The following SHROOM3 variants were observed in gnomAD, a reference collection of about 807,000 sequenced individuals.
The protein encoded by SHROOM3 is shroom family member 3.
A neutral mutation model predicts 138.6 loss-of-function variants in SHROOM3; 47 were observed. The ratio of observed to expected loss-of-function variants is 0.34; its 90% confidence interval spans 0.27 to 0.43. The LOEUF (loss-of-function observed/expected upper bound fraction) is 0.43. Ranked by LOEUF, SHROOM3 falls within the 20% of genes least tolerant of loss-of-function variation. The pLI is 1.00. For synonymous variants in SHROOM3, 1,062 were observed against 1,063.3 expected (o/e 1.00, Z 0.02); for missense variants, 2,491 against 2,596.5 (o/e 0.96, Z 0.88).
intron 1 of SHROOM3, among the ~76,000 whole-genome samples, chr4:76,457,604 G>C (rs2109973596): frequency 6.6e-6 from 1 of 151,046 alleles, no homozygotes; most frequent in East Asian, 2.0e-4. Context: ...CGATTCTCCT[G>C]CCTCAGCCTC....
At chr4:76,638,552 CAA>C (rs1367351325) in intron 2 of SHROOM3, among the ~76,000 whole-genome samples, 1 of 152,026 alleles carries the variant, frequency 6.6e-6, no homozygotes, top group East Asian at 1.9e-4. Context: ...CATGTCTTTA[CAA>C]AAAGTTTTCT....
chr4:76,600,942 A>G (rs1248665974), intron 2 of SHROOM3, among the ~76,000 whole-genome samples: 1 of 152,232 alleles, frequency 6.6e-6, no homozygotes, highest in Admixed American at 6.5e-5. Flanking sequence ...ATCAAACAGA[A>G]TCAGGGACTA....
chr4:76,757,252 A>G (rs189087552), intron 8 of SHROOM3, among the ~76,000 whole-genome samples: 49 of 152,382 alleles, frequency 3.2e-4, no homozygotes, highest in African/African-American at 1.1e-3. Flanking sequence ...TGAGGTGGCT[A>G]CCAATTTTAC....
chr4:76,443,479 G>T (rs1284843024), intron 1 of SHROOM3, among the ~76,000 whole-genome samples: 1 of 152,208 alleles, frequency 6.6e-6, no homozygotes. Flanking sequence ...CTAATCCATA[G>T]ACAGACTCTT....
intron 2 of SHROOM3, among the ~76,000 whole-genome samples, chr4:76,563,626 A>G (rs1367706932): frequency 6.6e-6 from 1 of 152,230 alleles, no homozygotes; most frequent in Non-Finnish European, 1.5e-5. Flanking sequence ...TTCTTTAGAC[A>G]GCACAATATG....
At chr4:76,735,226 C>T (rs1720999738) in intron 4 of SHROOM3, among the ~76,000 whole-genome samples, 2 of 152,100 alleles carry the variant, frequency 1.3e-5, no homozygotes, top group Admixed American at 6.5e-5. Context: ...ACCTTCATTC[C>T]AAGTTTTCTT....
chr4:76,631,203 C>CTTTTTTTTTTTTTTTT (rs71212436), intron 2 of SHROOM3, among the ~76,000 whole-genome samples: 4 of 104,192 alleles, frequency 3.8e-5, no homozygotes, highest in Non-Finnish European at 5.4e-5. Flanking sequence ...TTTTTTTAAT[C>CTTTTTTTTTTTTTTTT]TTTTTTTTTT....
At chr4:76,608,606 ATAG>A (rs1734680913) in intron 2 of SHROOM3, among the ~76,000 whole-genome samples, 1 of 127,198 alleles carries the variant, frequency 7.9e-6, no homozygotes, top group Non-Finnish European at 1.7e-5. Flanking sequence ...ATAGCATAGC[ATAG>A]CATTGGACAG....
chr4:76,669,498 C>T (rs1290795413), intron 2 of SHROOM3, among the ~76,000 whole-genome samples: 4 of 151,786 alleles, frequency 2.6e-5, no homozygotes, highest in Non-Finnish European at 4.4e-5. Context: ...CCTGTAATCT[C>T]AGCTACTCGG....
At chr4:76,556,207 T>A (rs1242196440) in intron 2 of SHROOM3, among the ~76,000 whole-genome samples, 2 of 152,222 alleles carry the variant, frequency 1.3e-5, no homozygotes, top group Non-Finnish European at 2.9e-5. Flanking sequence ...ATTGGTTGTT[T>A]TGTTTTCTGG....
intron 2 of SHROOM3, among the ~76,000 whole-genome samples, chr4:76,589,295 C>T (rs921723729): frequency 9.9e-5 from 15 of 152,146 alleles, no homozygotes; most frequent in Non-Finnish European, 5.9e-5. Context: ...TGGAGAAACC[C>T]TGTCTCTACT....
intron 2 of SHROOM3, among the ~76,000 whole-genome samples, chr4:76,638,489 T>G (rs1055696257): frequency 3.3e-5 from 5 of 152,136 alleles, no homozygotes. Flanking sequence ...TTCAAGGCTG[T>G]AGTAAGCTAT....
intron 1 of SHROOM3, among the ~76,000 whole-genome samples, chr4:76,500,748 A>G (rs1732074372): frequency 6.6e-6 from 1 of 151,934 alleles, no homozygotes; most frequent in South Asian, 2.1e-4. Context: ...GGCCATTTGA[A>G]TATCTTTGGT....
Position 76,739,630 on chromosome 4 carries a change from G to A in SHROOM3, c.1457G>A (p.Ser486Asn). The change falls in exon 5 of 11, where the codon AGT (serine) becomes AAT (asparagine). Residue 486 changes from serine (S) to asparagine (N), a missense_variant. By Grantham distance (46) the Ser-to-Asn change is conservative. Transcript: ENST00000296043. Reference sequence around the variant, plus strand: ...GCCCAGGTGCCTCAGCCTTCTGTGAGTAGCAACGGTATGCTCTACCCTGCA... The same window carrying A: ...GCCCAGGTGCCTCAGCCTTCTGTGAATAGCAACGGTATGCTCTACCCTGCA... ...HFAQVPQPSV[S>N]SNGMLYPALA... 1 of 1,614,194 alleles carries A rather than the reference G, an allele frequency of 6.2e-7. No homozygotes were observed. Among genetic ancestry groups the A allele is most frequent in the Non-Finnish European group, 8.5e-7 (1 of 1,180,048 alleles).
At chr4:76,501,494 A>G (rs1204401799) in intron 1 of SHROOM3, among the ~76,000 whole-genome samples, 1 of 152,096 alleles carries the variant, frequency 6.6e-6, no homozygotes, top group Non-Finnish European at 1.5e-5. Flanking sequence ...TAGGAATTTT[A>G]GAGCTTTTAA....
chr4:76,753,178 A>G (rs1160412305), intron 6 of SHROOM3, among the ~76,000 whole-genome samples: 1 of 152,220 alleles, frequency 6.6e-6, no homozygotes, highest in Non-Finnish European at 1.5e-5. Context: ...TCTGAATGAA[A>G]GGGACTGGTC....
chr4:76,538,800 GC>G (rs1382493238), intron 1 of SHROOM3, among the ~76,000 whole-genome samples: 1 of 152,126 alleles, frequency 6.6e-6, no homozygotes, highest in Non-Finnish European at 1.5e-5. Flanking sequence ...GGTGGAGCTG[GC>G]TTTTGATGGC....
chr4:76,545,804 A>C (rs1176090768), intron 1 of SHROOM3, among the ~76,000 whole-genome samples: 1 of 152,168 alleles, frequency 6.6e-6, no homozygotes. Context: ...TAGGTGTAGG[A>C]GATGGATGCT....
At chr4:76,686,417 A>G (rs1052916091) in intron 2 of SHROOM3, among the ~76,000 whole-genome samples, 1 of 152,180 alleles carries the variant, frequency 6.6e-6, no homozygotes, top group African/African-American at 2.4e-5. Context: ...TGAGAACCCA[A>G]ATAATGTATG....
Sources: allele counts gnomAD v4.1 joint callset (sites outside exome capture counted in the v4.1 genomes callset), GRCh38; gene constraint gnomAD v4.1.1; transcripts MANE v1.5; gene names NCBI Gene and HGNC (gene_info 2026-07-23, HGNC 2026-07-21).